UBE2H: variants seen among roughly 807,000 people sequenced by gnomAD.
UBE2H encodes ubiquitin conjugating enzyme E2 H, also known as ubiquitin-conjugating enzyme E2 H.
In UBE2H, 3 loss-of-function variants were observed where a neutral mutation model predicts 29.0. The ratio of observed to expected loss-of-function variants is 0.10; its 90% CI spans 0.05 to 0.27. UBE2H has a LOEUF of 0.27. Among genes scored for constraint, UBE2H ranks in the 10% least tolerant of loss-of-function variants. UBE2H has a pLI of 1.00. For synonymous variants in UBE2H, 69 were observed against 82.9 expected (o/e 0.83, Z 0.91); for missense variants, 68 against 228.2 (o/e 0.30, Z 4.52).
At chr7:129,890,727 T>C (rs1290005853) in intron 1 of UBE2H, among the ~76,000 whole-genome samples, 2 of 152,172 alleles carry the variant, frequency 1.3e-5, no homozygotes, top group African/African-American at 4.8e-5. Flanking sequence ...ATCAGTTTTG[T>C]AATGAAAGAC....
At chr7:129,843,335 G>A (rs1805459574) in intron 5 of UBE2H, among the ~76,000 whole-genome samples, 1 of 148,494 alleles carries the variant, frequency 6.7e-6, no homozygotes, top group Non-Finnish European at 1.5e-5. Flanking sequence ...GCAGGTTAAT[G>A]CTTACATAGT....
chr7:129,921,992 A>AT (rs928679326), intron 1 of UBE2H, among the ~76,000 whole-genome samples: 98 of 146,594 alleles, frequency 6.7e-4, no homozygotes, highest in Non-Finnish European at 8.6e-4. Context: ...TTCTTTTTTA[A>AT]TTTTTTTTTT....
At chr7:129,940,858 G>C (rs1001027536) in intron 1 of UBE2H, among the ~76,000 whole-genome samples, 7 of 152,222 alleles carry the variant, frequency 4.6e-5, no homozygotes, top group African/African-American at 1.7e-4. Flanking sequence ...ACCCAATTGA[G>C]AATCACTAAT....
intron 1 of UBE2H, among the ~76,000 whole-genome samples, chr7:129,932,859 T>C (rs1807438853): frequency 6.7e-6 from 1 of 148,330 alleles, no homozygotes. Flanking sequence ...GGGCACATAA[T>C]GAATCAATAT....
At chr7:129,945,746 T>C (rs1249283036) in intron 1 of UBE2H, among the ~76,000 whole-genome samples, 1 of 146,786 alleles carries the variant, frequency 6.8e-6, no homozygotes, top group Non-Finnish European at 1.5e-5. Context: ...ATGAGCTACT[T>C]TTTTTTTTTT....
intron 1 of UBE2H, among the ~76,000 whole-genome samples, chr7:129,923,147 G>A (rs1309339378): frequency 1.3e-5 from 2 of 151,964 alleles, no homozygotes; most frequent in South Asian, 2.1e-4. Flanking sequence ...TGATCCACCC[G>A]CCTCGGCCTC....
intron 1 of UBE2H, among the ~76,000 whole-genome samples, chr7:129,946,669 G>A (rs984041061): frequency 2.0e-5 from 3 of 152,126 alleles, no homozygotes; most frequent in East Asian, 1.9e-4. Flanking sequence ...TTTTTGAGAT[G>A]GAATCTTGCT....
chr7:129,928,438 A>G (rs1807317580), intron 1 of UBE2H, among the ~76,000 whole-genome samples: 4 of 152,148 alleles, frequency 2.6e-5, no homozygotes, highest in African/African-American at 9.7e-5. Flanking sequence ...CCTCGTCTCT[A>G]CTAAAAATAC....
chr7:129,839,454 C>A (rs527321712), intron 5 of UBE2H, 119 bp from the exon 6 acceptor site: 12 of 1,358,412 alleles, frequency 8.8e-6, no homozygotes, highest in African/African-American at 4.4e-5. Flanking sequence ...ATTCTCCATA[C>A]GAGTGTGCTC....
chr7:129,863,071 G>C (rs6970225), intron 3 of UBE2H, among the ~76,000 whole-genome samples: 168 of 152,328 alleles, frequency 1.1e-3, no homozygotes, highest in African/African-American at 3.6e-3. Flanking sequence ...TTATCAAAAC[G>C]TCTCTGAAAG....
intron 1 of UBE2H, among the ~76,000 whole-genome samples, chr7:129,939,027 G>T (rs1584798879): frequency 2.6e-5 from 4 of 152,234 alleles, no homozygotes; most frequent in African/African-American, 9.6e-5. Context: ...TCGAACTCCT[G>T]ACCTCAGGTG....
chr7:129,909,066 C>T (rs1161245295), intron 1 of UBE2H, among the ~76,000 whole-genome samples: 1 of 152,120 alleles, frequency 6.6e-6, no homozygotes, highest in Non-Finnish European at 1.5e-5. Flanking sequence ...AATGCTTTTA[C>T]TAAAAAAAGT....
intron 3 of UBE2H, among the ~76,000 whole-genome samples, chr7:129,871,875 T>C (rs1406380492): frequency 6.6e-6 from 1 of 152,188 alleles, no homozygotes; most frequent in Non-Finnish European, 1.5e-5. Context: ...AGACGGAGTC[T>C]CACTCTTGTC....
intron 3 of UBE2H, among the ~76,000 whole-genome samples, chr7:129,868,361 A>G (rs1368576612): frequency 6.6e-6 from 1 of 152,044 alleles, no homozygotes; most frequent in East Asian, 1.9e-4. Flanking sequence ...CGGGTGGATC[A>G]TGAGGTCAGG....
chr7:129,878,533 A>G (rs1158875371), intron 3 of UBE2H, among the ~76,000 whole-genome samples: 5 of 152,072 alleles, frequency 3.3e-5, no homozygotes, highest in African/African-American at 4.8e-5. Context: ...AATACAAAAA[A>G]TTAGCCGGGT....
chr7:129,886,594 T>A (rs189059000), intron 1 of UBE2H, among the ~76,000 whole-genome samples: 1 of 152,100 alleles, frequency 6.6e-6, no homozygotes, highest in African/African-American at 2.4e-5. Flanking sequence ...CTGAGCTGTG[T>A]GGAAGGGAAT....
chr7:129,932,129 CT>C (rs1436410896), intron 1 of UBE2H, among the ~76,000 whole-genome samples: 28 of 134,278 alleles, frequency 2.1e-4, no homozygotes, highest in South Asian at 9.4e-4. Context: ...GCCCACTTTG[CT>C]TTTTTTTTTG....
intron 1 of UBE2H, among the ~76,000 whole-genome samples, chr7:129,932,890 TCACATTCCC>T (rs577037674): frequency 4.6e-5 from 7 of 151,058 alleles, no homozygotes; most frequent in African/African-American, 1.2e-4. Context: ...AGTTCTGACC[TCACATTCCC>T]CTTGAAAGTA....
intron 5 of UBE2H, among the ~76,000 whole-genome samples, chr7:129,856,425 C>T (rs1805706190): frequency 6.6e-6 from 1 of 152,088 alleles, no homozygotes; most frequent in African/African-American, 2.4e-5. Flanking sequence ...GAATCAGACA[C>T]ACACCCGATA....
Sources: gnomAD v4.1 joint callset for allele counts (sites outside exome capture counted in the v4.1 genomes callset) on GRCh38, gnomAD v4.1.1 for gene constraint, MANE v1.5 for transcripts, NCBI Gene and HGNC (gene_info 2026-07-23, HGNC 2026-07-21) for gene names.